The following SAMD3 variants were observed in gnomAD, a reference collection of about 807,000 sequenced individuals.
SAMD3 encodes the protein sterile alpha motif domain-containing protein 3.
Under a neutral mutation model 58.5 loss-of-function variants are expected in SAMD3, and 63 were observed. The ratio of observed to expected loss-of-function variants is 1.08; its 90% CI spans 0.88 to 1.33. The LOEUF (loss-of-function observed/expected upper bound fraction) is 1.33, where lower values mean the gene tolerates loss of function less well. Ranked by LOEUF, SAMD3 falls within the 40% of genes most tolerant of loss-of-function variation. The pLI, the probability that SAMD3 is intolerant of heterozygous loss-of-function variation, is 0.00. For missense variants in SAMD3, 604 were observed against 608.4 expected, an observed-to-expected ratio of 0.99 and a Z score of 0.08; for synonymous variants, 220 against 210.3, an observed-to-expected ratio of 1.05 and a Z score of -0.40.
intron 2 of SAMD3, among the ~76,000 whole-genome samples, chr6:130,239,181 A>T (rs369152292): frequency 5.6e-4 from 85 of 152,324 alleles, no homozygotes; most frequent in African/African-American, 1.9e-3. Flanking sequence ...TCCTGAGGCT[A>T]CACAGCTACC....
intron 1 of SAMD3, among the ~76,000 whole-genome samples, chr6:130,323,621 G>T (rs1362466935): frequency 1.3e-5 from 2 of 151,696 alleles, no homozygotes; most frequent in Admixed American, 1.3e-4. Context: ...TGGCCAACAT[G>T]GTGAAACACC....
At chr6:130,149,809 A>C (rs1788981197) in intron 9 of SAMD3, among the ~76,000 whole-genome samples, 1 of 152,182 alleles carries the variant, frequency 6.6e-6, no homozygotes, top group Non-Finnish European at 1.5e-5. Flanking sequence ...CCAAACCCCC[A>C]CGACATGCAA....
At chr6:130,297,465 G>A (rs1775607450) in intron 2 of SAMD3, among the ~76,000 whole-genome samples, 1 of 152,194 alleles carries the variant, frequency 6.6e-6, no homozygotes, top group Non-Finnish European at 1.5e-5. Flanking sequence ...CAAGAACTCT[G>A]AAAGTACTAA....
intron 2 of SAMD3, among the ~76,000 whole-genome samples, chr6:130,267,018 G>A (rs545941398): frequency 2.6e-4 from 39 of 152,256 alleles, no homozygotes; most frequent in African/African-American, 6.3e-4. Flanking sequence ...ATTCTAGCCC[G>A]GTGAGAAACT....
intron 1 of SAMD3, among the ~76,000 whole-genome samples, chr6:130,218,756 G>C (rs1364517855): frequency 1.3e-5 from 2 of 152,094 alleles, no homozygotes; most frequent in Non-Finnish European, 2.9e-5. Context: ...ACATAGTTTA[G>C]ATAGCAAAGA....
At chr6:130,326,156 C>G (rs1252909510) in intron 1 of SAMD3, among the ~76,000 whole-genome samples, 1 of 152,194 alleles carries the variant, frequency 6.6e-6, no homozygotes, top group South Asian at 2.1e-4. Flanking sequence ...CATCTCTTAT[C>G]TGGACTACTG....
At chr6:130,276,532 ATAAT>A (rs1303380745) in intron 2 of SAMD3, among the ~76,000 whole-genome samples, 5 of 152,190 alleles carry the variant, frequency 3.3e-5, no homozygotes, top group South Asian at 2.1e-4. Flanking sequence ...TAAAGCTATA[ATAAT>A]TAAAGAAGTG....
intron 9 of SAMD3, among the ~76,000 whole-genome samples, chr6:130,150,923 G>C (rs901584379): frequency 6.6e-6 from 1 of 152,026 alleles, no homozygotes; most frequent in Non-Finnish European, 1.5e-5. Context: ...TGTTGGCCAG[G>C]CTGGTCTCGA....
intron 2 of SAMD3, among the ~76,000 whole-genome samples, chr6:130,250,975 TA>T (rs1773718955): frequency 6.6e-6 from 1 of 152,232 alleles, no homozygotes; most frequent in Non-Finnish European, 1.5e-5. Flanking sequence ...TATTGCTGGG[TA>T]ATATGATAAC....
At chr6:130,265,556 A>G (rs1468727178) in intron 2 of SAMD3, among the ~76,000 whole-genome samples, 2 of 152,164 alleles carry the variant, frequency 1.3e-5, no homozygotes, top group African/African-American at 2.4e-5. Context: ...CTACGGTCCT[A>G]TTATTTTACA....
At chr6:130,348,590 G>A (rs1777539861) in intron 1 of SAMD3, among the ~76,000 whole-genome samples, 1 of 152,110 alleles carries the variant, frequency 6.6e-6, no homozygotes, top group African/African-American at 2.4e-5. Context: ...AGTCCTTAGA[G>A]ACCTACAAAG....
At chr6:130,166,193 G>A (rs1028809043) in intron 8 of SAMD3, among the ~76,000 whole-genome samples, 2 of 152,170 alleles carry the variant, frequency 1.3e-5, no homozygotes, top group Admixed American at 6.5e-5. Flanking sequence ...GGTCCTGGGG[G>A]CTGGTTTAAG....
At chr6:130,258,597 G>T (rs1359405014) in intron 2 of SAMD3, among the ~76,000 whole-genome samples, 3 of 152,118 alleles carry the variant, frequency 2.0e-5, no homozygotes, top group Non-Finnish European at 4.4e-5. Context: ...TCAAGATAAT[G>T]AACCTAACTA....
chr6:130,176,430 T>G (rs1260612172), intron 7 of SAMD3, among the ~76,000 whole-genome samples: 1 of 152,230 alleles, frequency 6.6e-6, no homozygotes, highest in Admixed American at 6.5e-5. Flanking sequence ...TAAAAATAAT[T>G]TCCTGTCATC....
At chr6:130,246,574 G>A (rs1056339949) in intron 2 of SAMD3, among the ~76,000 whole-genome samples, 4 of 151,886 alleles carry the variant, frequency 2.6e-5, no homozygotes, top group African/African-American at 4.8e-5. Context: ...GCTGGAAAAC[G>A]GTATTTTAGT....
intron 2 of SAMD3, among the ~76,000 whole-genome samples, chr6:130,253,779 G>A (rs535233777): frequency 2.0e-5 from 3 of 151,224 alleles, no homozygotes; most frequent in Admixed American, 1.3e-4. Flanking sequence ...GTATATCTTT[G>A]TACTAATAAA....
chr6:130,345,974 A>G (rs1330633194), intron 1 of SAMD3, among the ~76,000 whole-genome samples: 1 of 152,232 alleles, frequency 6.6e-6, no homozygotes, highest in Non-Finnish European at 1.5e-5. Flanking sequence ...ACAAGGGTAA[A>G]AAGCACACTA....
At position 130,272,984 on chromosome 6, in the gene SAMD3, G is replaced by A. The variant is rs146951922; in HGVS notation, c.-188+39994C>T. ...TCCTCAGATATCATAGACACTTGGA[G>A]TTTTTTTATTTATTTGGTTTATAGT... On this transcript the variant is annotated intron_variant, in intron 2 of 13. Coordinates refer to the SAMD3 transcript ENST00000368134. Among the ~76,000 whole-genome samples the A allele has an allele frequency of 3.3e-3, 501 of 152,124 alleles. 2 individuals are homozygous for A. The highest frequency in any genetic ancestry group is 0.012 in the African/African-American group (486 of 41,524).
At chr6:130,356,325 C>T (rs1027296811) in intron 1 of SAMD3, among the ~76,000 whole-genome samples, 1 of 152,182 alleles carries the variant, frequency 6.6e-6, no homozygotes, top group African/African-American at 2.4e-5. Context: ...TTGCCTTTTC[C>T]TCAGCCTGGT....
Sources: allele counts gnomAD v4.1 joint callset (sites outside exome capture counted in the v4.1 genomes callset), GRCh38; gene constraint gnomAD v4.1.1; transcripts MANE v1.5; gene names NCBI Gene and HGNC (gene_info 2026-07-23, HGNC 2026-07-21).